The following XNDC1N variants were observed in gnomAD, a reference collection of about 807,000 sequenced individuals.
XNDC1N encodes XRCC1 N-terminal domain containing 1, N-terminal like.
the XNDC1N span, among the ~76,000 whole-genome samples, chr11:71,900,233 C>T: frequency 0.038 from 5,715 of 152,234 alleles, 37 homozygotes; most frequent in African/African-American, 0.13. Context: ...AGGCCAGTGC[C>T]GGTGCAGATC....
chr11:71,899,435 C>G, the XNDC1N span, among the ~76,000 whole-genome samples: 3 of 152,182 alleles, frequency 2.0e-5, no homozygotes, highest in African/African-American at 4.8e-5. Flanking sequence ...TAAAAGACTC[C>G]ATTTGGAGAA....
chr11:71,873,382 A>T, the XNDC1N span, among the ~76,000 whole-genome samples: 495 of 152,258 alleles, frequency 3.3e-3, no homozygotes, highest in Middle Eastern at 0.037. Flanking sequence ...TTATGTAGGA[A>T]TGTGTTGTGT....
chr11:71,896,117 T>C, the XNDC1N span, among the ~76,000 whole-genome samples: 3 of 151,984 alleles, frequency 2.0e-5, no homozygotes, highest in Non-Finnish European at 2.9e-5. Context: ...GTCTCCACGG[T>C]AAACACAAAA....
the XNDC1N span, among the ~76,000 whole-genome samples, chr11:71,901,728 G>A: frequency 6.6e-6 from 1 of 152,058 alleles, no homozygotes; most frequent in Non-Finnish European, 1.5e-5. Flanking sequence ...CTACTTCTCT[G>A]TATGGCAAAG....
At chr11:71,878,352 A>G in the XNDC1N span, 1 of 1,320,804 alleles carries the variant, frequency 7.6e-7, no homozygotes, top group Non-Finnish European at 1.1e-6. Context: ...GAAAGGTTCA[A>G]TAATCACTCA....
At chr11:71,921,791 T>C in the XNDC1N span, among the ~76,000 whole-genome samples, 4 of 152,040 alleles carry the variant, frequency 2.6e-5, no homozygotes, top group Admixed American at 6.6e-5. Context: ...CTTATAGAAG[T>C]GGATCTCTAA....
chr11:71,868,089 C>A, the XNDC1N span, among the ~76,000 whole-genome samples: 1 of 152,176 alleles, frequency 6.6e-6, no homozygotes, highest in East Asian at 1.9e-4. Context: ...TCTGTTTTGT[C>A]AGAAATTAGA....
the XNDC1N span, among the ~76,000 whole-genome samples, chr11:71,866,865 T>A: frequency 3.9e-5 from 6 of 152,184 alleles, no homozygotes; most frequent in Admixed American, 6.5e-5. Flanking sequence ...GTTCTTTCTA[T>A]CTTTCTGGAA....
the XNDC1N span, among the ~76,000 whole-genome samples, chr11:71,905,734 T>C: frequency 2.8e-4 from 42 of 150,294 alleles, no homozygotes; most frequent in African/African-American, 8.8e-4. Flanking sequence ...CTGTGGGATA[T>C]TAGAAGTAAT....
chr11:71,906,198 A>G, the XNDC1N span, among the ~76,000 whole-genome samples: 2 of 151,906 alleles, frequency 1.3e-5, no homozygotes, highest in African/African-American at 4.8e-5. Context: ...ACCCCCTGTG[A>G]TATTAGGAGA....
At chr11:71,905,001 G>A in the XNDC1N span, among the ~76,000 whole-genome samples, 1 of 151,814 alleles carries the variant, frequency 6.6e-6, no homozygotes, top group African/African-American at 2.4e-5. Flanking sequence ...ATAATATCAG[G>A]GGGTGCACAT....
At chr11:71,879,735 G>A in the XNDC1N span, among the ~76,000 whole-genome samples, 3 of 152,122 alleles carry the variant, frequency 2.0e-5, no homozygotes, top group South Asian at 2.1e-4. Flanking sequence ...GTTTATCAGC[G>A]CAAGAAGAAA....
chr11:71,919,929 C>CTTTTTTTTTTT, the XNDC1N span, among the ~76,000 whole-genome samples: 24 of 26,630 alleles, frequency 9.0e-4, 4 homozygotes, highest in Non-Finnish European at 1.6e-3. Context: ...AAGCAGGCCT[C>CTTTTTTTTTTT]TTTTTTTTTT....
chr11:71,888,113 G>T, the XNDC1N span, among the ~76,000 whole-genome samples: 2 of 152,178 alleles, frequency 1.3e-5, no homozygotes, highest in Non-Finnish European at 2.9e-5. Flanking sequence ...ACACCCCACG[G>T]CAGTTGGGTG....
At chr11:71,872,697 T>C in the XNDC1N span, among the ~76,000 whole-genome samples, 28,610 of 151,914 alleles carry the variant, frequency 0.19, 4,924 homozygotes, top group African/African-American at 0.45. Context: ...CACTGCACTA[T>C]AGCCTGGGTG....
the XNDC1N span, among the ~76,000 whole-genome samples, chr11:71,908,538 G>T: frequency 6.6e-6 from 1 of 152,024 alleles, no homozygotes; most frequent in Non-Finnish European, 1.5e-5. Context: ...GGACACAAAT[G>T]CCCCTGAGAG....
the XNDC1N span, among the ~76,000 whole-genome samples, chr11:71,891,634 T>C: frequency 6.6e-6 from 1 of 152,086 alleles, no homozygotes; most frequent in Non-Finnish European, 1.5e-5. Context: ...CCTTTCTGGA[T>C]ATTAGGAAGA....
chr11:71,877,184 A>G, the XNDC1N span, among the ~76,000 whole-genome samples: 9 of 152,072 alleles, frequency 5.9e-5, no homozygotes, highest in Non-Finnish European at 2.9e-5. Flanking sequence ...ATTCACTAAC[A>G]CTCTGAAGTA....
chr11:71,923,500 C>G, the XNDC1N span: 1 of 622,094 alleles, frequency 1.6e-6, no homozygotes, highest in East Asian at 2.8e-5. Flanking sequence ...AGAAGAAAAA[C>G]AAACTAGCCA....
Sources: gnomAD v4.1 joint callset for allele counts (sites outside exome capture counted in the v4.1 genomes callset) on GRCh38, gnomAD v4.1.1 for gene constraint, MANE v1.5 for transcripts, NCBI Gene and HGNC (gene_info 2026-07-23, HGNC 2026-07-21) for gene names.